Variants in COPS7A observed in about 807,000 individuals in gnomAD.
COPS7A encodes COP9 signalosome complex subunit 7a.
Under a neutral mutation model 35.2 loss-of-function variants are expected in COPS7A, and 20 were observed. That is an observed-to-expected ratio of 0.57 (90% CI 0.40 to 0.83). COPS7A has a LOEUF of 0.83. COPS7A is among the 40% of genes least tolerant of loss of function. COPS7A has a pLI of 0.00. For synonymous variants in COPS7A, 139 were observed against 141.4 expected, an observed-to-expected ratio of 0.98 and a Z score of 0.12; for missense variants, 247 against 347.5, an observed-to-expected ratio of 0.71 and a Z score of 2.30.
At chr12:6,730,964 C>G (rs756957079) in intron 7 of COPS7A, 36 bp from the exon 8 acceptor site, 2 of 1,576,122 alleles carry the variant, frequency 1.3e-6, no homozygotes, top group Admixed American at 3.4e-5. Flanking sequence ...CCTGCATTCT[C>G]TCTCTCTCTC....
chr12:6,725,144 G>A (rs1941218326), intron 2 of COPS7A, among the ~76,000 whole-genome samples: 2 of 151,220 alleles, frequency 1.3e-5, no homozygotes, highest in South Asian at 4.2e-4. Flanking sequence ...TTGTTTTAGG[G>A]CTTCAGCTTT....
At chr12:6,730,581 G>A in intron 6 of COPS7A, 74 bp downstream of exon 6, 2 of 1,611,618 alleles carry the variant, frequency 1.2e-6, no homozygotes, top group African/African-American at 1.3e-5. Flanking sequence ...AGAGAATTTG[G>A]ACAGTGGCTG....
At position 6,731,419 on chromosome 12, in the gene COPS7A, A is replaced by C. The variant is rs534274887; in HGVS notation, c.*380A>C. 1 of 933,824 alleles carries C rather than the reference A, an allele frequency of 1.1e-6. No homozygotes were observed. The highest frequency in any genetic ancestry group is 1.4e-6 in the Non-Finnish European group (1 of 693,310). 57.8% of individuals were successfully genotyped at this position (933,824 alleles called of 1,614,324 possible). On this transcript the variant is annotated 3_prime_UTR_variant, in exon 8 of 8. Coordinates refer to ENST00000543155, the MANE Select transcript of COPS7A (RefSeq NM_001164094.2). Reference sequence around the variant, plus strand: ...GTTTTTTCTGCCACCCCATCCCTGCATGCCTGATCCCCAGTTCCTATACCC... The same window carrying C: ...GTTTTTTCTGCCACCCCATCCCTGCCTGCCTGATCCCCAGTTCCTATACCC...
chr12:6,724,488 C>T (rs964104519), intron 1 of COPS7A, 126 bp from the exon 2 acceptor site: 9 of 798,458 alleles, frequency 1.1e-5, no homozygotes, highest in Middle Eastern at 2.3e-4. Flanking sequence ...GAATTTTAGA[C>T]CGCTCCATGT....
intron 4 of COPS7A, 131 bp downstream of exon 4, chr12:6,728,442 A>C: frequency 1.6e-6 from 1 of 613,276 alleles, no homozygotes; most frequent in Non-Finnish European, 2.8e-6. Context: ...CTGTATATAA[A>C]CTCCATTAGC....
At chr12:6,726,867 G>T (rs1941270852) in intron 2 of COPS7A, among the ~76,000 whole-genome samples, 1 of 152,190 alleles carries the variant, frequency 6.6e-6, no homozygotes, top group South Asian at 2.1e-4. Flanking sequence ...TCTGAAGCTT[G>T]CATTCCAGTT....
chr12:6,727,195 G>A (rs1254067172), intron 2 of COPS7A, among the ~76,000 whole-genome samples: 2 of 152,078 alleles, frequency 1.3e-5, no homozygotes, highest in African/African-American at 4.8e-5. Context: ...AAATTAGCCT[G>A]GTGTGGTGGT....
Position 6,730,513 on chromosome 12 carries a change from C to G in COPS7A, c.636+6C>G. On this transcript the variant is annotated splice_donor_region_variant and intron_variant, in intron 6 of 7. Transcript: ENST00000543155. ...AGCAGCAGATTGAGAGTGAGGTGAG[C>G]AGTCAGGGGAGCAGGCAGACCCAAA... The G allele has an allele frequency of 1.2e-6, 2 of 1,613,982 alleles. No homozygotes were observed. The highest frequency in any genetic ancestry group is 1.7e-6 in the Non-Finnish European group (2 of 1,179,916).
chr12:6,728,312 G>T lies in COPS7A; in HGVS notation c.327+1G>T. Reference sequence around the variant, plus strand: ...TGTCACCCTGGCTGCTAAAGTAAAGGTGAGTGGCAGTCCCCCAGTCCTACG... The same window carrying T: ...TGTCACCCTGGCTGCTAAAGTAAAGTTGAGTGGCAGTCCCCCAGTCCTACG... On this transcript the variant is annotated splice_donor_variant, in intron 4 of 7. Transcript: ENST00000543155. LOFTEE classifies it high-confidence loss of function. 6.2e-7 allele frequency: 1 copy of T among 1,612,866 alleles called. No homozygotes were observed. The highest frequency in any genetic ancestry group is 8.5e-7 in the Non-Finnish European group (1 of 1,178,900).
At chr12:6,730,560 G>T in intron 6 of COPS7A, 53 bp downstream of exon 6, 4 of 1,612,218 alleles carry the variant, frequency 2.5e-6, no homozygotes, top group East Asian at 2.2e-5. Context: ...TGGGCGACTT[G>T]TCCTTTGCAG....
chr12:6,731,092 T>C lies in COPS7A; in HGVS notation c.*53T>C, dbSNP rs1941384244. Reference sequence around the variant, plus strand: ...GTGGGGTCCCAGCTGCCTGCCTGCCTCTTAGGAGTCCTCAGAGAGCCTTCT... The same window carrying C: ...GTGGGGTCCCAGCTGCCTGCCTGCCCCTTAGGAGTCCTCAGAGAGCCTTCT... On this transcript the variant is annotated 3_prime_UTR_variant, in exon 8 of 8. Coordinates refer to ENST00000543155, the MANE Select transcript of COPS7A (RefSeq NM_001164094.2). The C allele has an allele frequency of 6.2e-7, 1 of 1,613,810 alleles. No individual in the cohort carries two copies. Among genetic ancestry groups the C allele is most frequent in the Non-Finnish European group, 8.5e-7 (1 of 1,179,918 alleles).
chr12:6,728,931 T>G (rs751098922), intron 4 of COPS7A: 33 of 393,170 alleles, frequency 8.4e-5, no homozygotes, highest in Non-Finnish European at 1.3e-4. Flanking sequence ...GACTAAGGAC[T>G]GGGTGATACC....
At position 6,731,032 on chromosome 12, in the gene COPS7A, C is replaced by T; in HGVS notation, c.821C>T (p.Ser274Leu). Reference sequence around the variant, plus strand: ...GGGAGCGCCAAGATTTGGTCCAAGTCGAATTGAAAGGACTGTCGTTTCCTC... The same window carrying T: ...GGGAGCGCCAAGATTTGGTCCAAGTTGAATTGAAAGGACTGTCGTTTCCTC... Reference protein sequence around the residue: ...LRGSAKIWSKSN With the variant: ...LRGSAKIWSKLN Residue 274 changes from serine (S) to leucine (L), a missense_variant, in exon 8 of 8, where the codon TCG (serine) becomes TTG (leucine). Physicochemically the swap from Ser to Leu is moderately radical, Grantham distance 145 (BLOSUM62 -2). Coordinates refer to ENST00000543155, the MANE Select transcript of COPS7A (RefSeq NM_001164094.2). The T allele has an allele frequency of 1.2e-6, 2 of 1,613,944 alleles. No homozygotes were observed. The highest frequency in any genetic ancestry group is 1.1e-5 in the South Asian group (1 of 91,072).
intron 2 of COPS7A, 55 bp downstream of exon 2, chr12:6,724,873 G>T: frequency 6.3e-7 from 1 of 1,580,816 alleles, no homozygotes; most frequent in East Asian, 2.2e-5. Context: ...GTTTGAATTT[G>T]AGAATGGGTG....
rs773089211 is a variant in COPS7A at position 6,729,206 on chromosome 12, A to G, written c.328-41A>G. The G allele has an allele frequency of 9.9e-6, 16 of 1,608,766 alleles. No homozygotes were observed. The South Asian group carries it at 1.6e-4, about 17-fold the overall frequency. ...AGATTTTTGGAAGCCCTTCTCTACT[A>G]CGGAGCGTCACAAATCCTGGCCTGA... On this transcript the variant is annotated intron_variant, in intron 4 of 7. Coordinates refer to ENST00000543155, the MANE Select transcript of COPS7A (RefSeq NM_001164094.2). The surrounding 1 kb of genome is among the most constrained non-coding windows in gnomAD (Gnocchi z 4.2).
At chr12:6,727,858 A>G in intron 2 of COPS7A, 68 bp from the exon 3 acceptor site, 1 of 1,508,180 alleles carries the variant, frequency 6.6e-7, no homozygotes, top group Non-Finnish European at 9.2e-7. Context: ...TGGAGTTCCA[A>G]ACAGGGTAAG....
At chr12:6,724,422 G>T in intron 1 of COPS7A, 192 bp from the exon 2 acceptor site, 1 of 575,372 alleles carries the variant, frequency 1.7e-6, no homozygotes, top group Non-Finnish European at 3.2e-6. Context: ...TAGGCCCAGG[G>T]GAGGGGGTGG....
At chr12:6,730,855 G>A (rs1179018738) in intron 7 of COPS7A, 35 bp downstream of exon 7, 1 of 1,611,332 alleles carries the variant, frequency 6.2e-7, no homozygotes, top group East Asian at 2.2e-5. Context: ...TCACTTGCAG[G>A]GTGCCCTGCT....
At chr12:6,726,708 C>T (rs1050832589) in intron 2 of COPS7A, among the ~76,000 whole-genome samples, 1 of 150,588 alleles carries the variant, frequency 6.6e-6, no homozygotes, top group African/African-American at 2.4e-5. Context: ...TTGCAGTGAG[C>T]CGAGGTCGCG....
Sources: allele counts gnomAD v4.1 joint callset (sites outside exome capture counted in the v4.1 genomes callset), GRCh38; gene constraint gnomAD v4.1.1; non-coding constraint Gnocchi (gnomAD v3.1); transcripts MANE v1.5; gene names NCBI Gene and HGNC (gene_info 2026-07-23, HGNC 2026-07-21).